Variants in SNTG1 observed in about 807,000 individuals in gnomAD.
SNTG1 encodes syntrophin gamma 1, also known as gamma-1-syntrophin.
SNTG1 carries 39 observed loss-of-function variants against 74.7 expected under a neutral mutation model. That is an observed-to-expected ratio of 0.52 (90% CI 0.40 to 0.68). The LOEUF (loss-of-function observed/expected upper bound fraction) is 0.68, where lower values mean the gene tolerates loss of function less well. SNTG1 is among the 30% of genes least tolerant of loss of function. SNTG1 has a pLI of 0.00. For synonymous variants in SNTG1, 254 were observed against 217.1 expected (o/e 1.17, Z -1.49); for missense variants, 685 against 609.5 (o/e 1.12, Z -1.30).
intron 1 of SNTG1, among the ~76,000 whole-genome samples, chr8:50,093,919 G>T (rs1188561081): frequency 6.6e-6 from 1 of 152,160 alleles, no homozygotes; most frequent in Non-Finnish European, 1.5e-5. Context: ...GAAGATTCTA[G>T]TGTGGTTAAC....
intron 4 of SNTG1, among the ~76,000 whole-genome samples, chr8:50,406,806 T>C (rs2092881711): frequency 6.6e-6 from 1 of 152,128 alleles, no homozygotes. Flanking sequence ...TGATCATGTG[T>C]GCTTTTTAAT....
At chr8:50,321,820 C>A (rs1330135298) in intron 2 of SNTG1, among the ~76,000 whole-genome samples, 1 of 152,068 alleles carries the variant, frequency 6.6e-6, no homozygotes, top group Non-Finnish European at 1.5e-5. Context: ...ATAAACTGTA[C>A]ACTTTAACTT....
At chr8:49,947,830 A>C (rs866275562) in intron 1 of SNTG1, among the ~76,000 whole-genome samples, 2 of 152,146 alleles carry the variant, frequency 1.3e-5, no homozygotes, top group South Asian at 4.1e-4. Context: ...CTCTGTGTTG[A>C]TATTAAAAGT....
chr8:49,946,399 C>T (rs751347101), intron 1 of SNTG1, among the ~76,000 whole-genome samples: 2 of 152,178 alleles, frequency 1.3e-5, no homozygotes, highest in East Asian at 3.9e-4. Flanking sequence ...ATCTTGAAAA[C>T]TCTGGGAGAT....
chr8:50,021,717 T>G (rs760227419), intron 1 of SNTG1, among the ~76,000 whole-genome samples: 1 of 152,128 alleles, frequency 6.6e-6, no homozygotes, highest in African/African-American at 2.4e-5. Context: ...GGAGGATCAC[T>G]TGATCCCCAA....
At chr8:50,396,565 A>G (rs1348114236) in intron 3 of SNTG1, among the ~76,000 whole-genome samples, 1 of 152,222 alleles carries the variant, frequency 6.6e-6, no homozygotes, top group Non-Finnish European at 1.5e-5. Flanking sequence ...GTATAAGACA[A>G]AACAAATTAA....
At chr8:50,485,164 T>C (rs532321879) in intron 8 of SNTG1, among the ~76,000 whole-genome samples, 19 of 152,256 alleles carry the variant, frequency 1.2e-4, no homozygotes, top group Admixed American at 1.1e-3. Context: ...GAGGGCACTG[T>C]AGAACCTTGT....
At chr8:50,271,370 A>T (rs2087771335) in intron 2 of SNTG1, among the ~76,000 whole-genome samples, 1 of 152,174 alleles carries the variant, frequency 6.6e-6, no homozygotes, top group Admixed American at 6.5e-5. Context: ...TTAGGTTTGT[A>T]TTCAAATTCA....
chr8:50,551,034 T>C (rs2094422794), intron 11 of SNTG1, among the ~76,000 whole-genome samples: 1 of 152,030 alleles, frequency 6.6e-6, no homozygotes, highest in East Asian at 1.9e-4. Flanking sequence ...TATTAAAGTA[T>C]TTAGATCCAC....
intron 2 of SNTG1, among the ~76,000 whole-genome samples, chr8:50,368,121 A>C (rs2092166745): frequency 6.6e-6 from 1 of 152,176 alleles, no homozygotes; most frequent in African/African-American, 2.4e-5. Context: ...TAATCAAAAT[A>C]GAATGTTTGT....
chr8:50,670,863 G>C (rs1013638638), intron 15 of SNTG1, among the ~76,000 whole-genome samples: 8 of 151,560 alleles, frequency 5.3e-5, no homozygotes, highest in Admixed American at 1.3e-4. Flanking sequence ...CAATGGAACA[G>C]AACAGAGCCC....
Position 50,394,214 on chromosome 8 carries a change from G to A in SNTG1, c.-25G>A, listed in dbSNP as rs1413708323. On this transcript the variant is annotated splice_region_variant and 5_prime_UTR_variant, in exon 3 of 19. Coordinates refer to ENST00000642720, the MANE Select transcript of SNTG1 (RefSeq NM_018967.5). ...TTACCATTTCTGTGTCTTTTCAGACGACATCCTTTGTGGTGCCACAGCACA... is the reference window on the plus strand; with the variant it reads ...TTACCATTTCTGTGTCTTTTCAGACAACATCCTTTGTGGTGCCACAGCACA... The A allele has an allele frequency of 3.1e-6, 5 of 1,612,338 alleles. No individual in the cohort carries two copies. The African/African-American group carries it at 4.0e-5, about 13-fold the overall frequency.
At chr8:50,094,419 T>C (rs1183468042) in intron 1 of SNTG1, among the ~76,000 whole-genome samples, 1 of 152,152 alleles carries the variant, frequency 6.6e-6, no homozygotes, top group Non-Finnish European at 1.5e-5. Flanking sequence ...AGGAAAATAC[T>C]TGCAAGTTAT....
chr8:50,334,912 G>C (rs1384757022), intron 2 of SNTG1, among the ~76,000 whole-genome samples: 2 of 152,112 alleles, frequency 1.3e-5, no homozygotes, highest in Non-Finnish European at 2.9e-5. Context: ...TGAAAATATA[G>C]TTAATTGTGG....
At chr8:50,287,594 T>C (rs1267603542) in intron 2 of SNTG1, among the ~76,000 whole-genome samples, 1 of 152,162 alleles carries the variant, frequency 6.6e-6, no homozygotes, top group Non-Finnish European at 1.5e-5. Flanking sequence ...AGTTCTGTGG[T>C]CGGTTATCTC....
rs541145165 is a variant in SNTG1 at position 50,107,652 on chromosome 8, G to A, written c.-102-64909G>A. 2.6e-5 allele frequency among the ~76,000 whole-genome samples: 4 copies of A among 152,072 alleles called. No homozygotes were observed. The East Asian group carries it at 5.8e-4, about 22-fold the overall frequency. On this transcript the variant is annotated intron_variant, in intron 1 of 18. Coordinates refer to ENST00000642720, the MANE Select transcript of SNTG1 (RefSeq NM_018967.5). ...TGAAACCTCTGCTTCCTAGGTTCAA[G>A]CAATTCTCCTGCCTTAGCCTCCTAA...
intron 2 of SNTG1, among the ~76,000 whole-genome samples, chr8:50,261,904 T>A (rs2087212001): frequency 6.6e-6 from 1 of 152,068 alleles, no homozygotes; most frequent in African/African-American, 2.4e-5. Context: ...TATAAATATA[T>A]CATATATGAA....
chr8:50,778,538 T>A (rs1396335723), intron 18 of SNTG1, among the ~76,000 whole-genome samples: 1 of 152,104 alleles, frequency 6.6e-6, no homozygotes, highest in Non-Finnish European at 1.5e-5. Flanking sequence ...TCACCCACTT[T>A]TTGATGGGGT....
chr8:50,786,665 A>G (rs2095676174), intron 18 of SNTG1, among the ~76,000 whole-genome samples: 1 of 151,930 alleles, frequency 6.6e-6, no homozygotes, highest in Admixed American at 6.6e-5. Context: ...ACTGGAATAC[A>G]ATTGAGAGTC....
Sources: allele counts gnomAD v4.1 joint callset (sites outside exome capture counted in the v4.1 genomes callset), GRCh38; gene constraint gnomAD v4.1.1; transcripts MANE v1.5; gene names NCBI Gene and HGNC (gene_info 2026-07-23, HGNC 2026-07-21).